Variants in TRPM3 observed in about 807,000 individuals in gnomAD.
TRPM3 encodes the protein transient receptor potential cation channel subfamily M member 3, also known as long transient receptor potential channel 3.
A neutral mutation model predicts 181.2 loss-of-function variants in TRPM3; 77 were observed. The ratio of observed to expected loss-of-function variants is 0.42; its 90% CI spans 0.35 to 0.51. The LOEUF (loss-of-function observed/expected upper bound fraction) is 0.51, where lower values mean the gene tolerates loss of function less well. Among genes scored for constraint, TRPM3 ranks in the 20% least tolerant of loss-of-function variants. The pLI is 0.01. For synonymous variants in TRPM3, 745 were observed against 796.4 expected, an observed-to-expected ratio of 0.94 and a Z score of 1.09; for missense variants, 1,759 against 2,196.7, an observed-to-expected ratio of 0.80 and a Z score of 3.98.
chr9:71,161,390 T>C (rs1398005496), intron 1 of TRPM3, among the ~76,000 whole-genome samples: 1 of 152,138 alleles, frequency 6.6e-6, no homozygotes, highest in Non-Finnish European at 1.5e-5. Flanking sequence ...GAACTTGCAG[T>C]CAACATTTGT....
intron 6 of TRPM3, chr9:70,825,639 A>G (rs1410339470): frequency 6.6e-6 from 1 of 152,374 alleles, no homozygotes; most frequent in Non-Finnish European, 1.5e-5. Context: ...CTGACCATCC[A>G]CCGTGCCCTG....
At chr9:71,340,970 G>A (rs1036569243) in intron 1 of TRPM3, among the ~76,000 whole-genome samples, 2 of 152,052 alleles carry the variant, frequency 1.3e-5, no homozygotes, top group Non-Finnish European at 2.9e-5. Context: ...ATCAGTTTTT[G>A]TCAAAACGGC....
intron 22 of TRPM3, among the ~76,000 whole-genome samples, chr9:70,582,049 A>G (rs1371552215): frequency 6.6e-6 from 1 of 151,558 alleles, no homozygotes; most frequent in African/African-American, 2.4e-5. Flanking sequence ...GACTTTTTCA[A>G]TAGATATTTC....
At chr9:71,030,298 C>T (rs1000524188) in intron 1 of TRPM3, among the ~76,000 whole-genome samples, 2 of 152,130 alleles carry the variant, frequency 1.3e-5, no homozygotes, top group African/African-American at 4.8e-5. Context: ...GGCACTGTGG[C>T]TCACACCTGA....
intron 1 of TRPM3, among the ~76,000 whole-genome samples, chr9:71,282,823 G>C (rs2084955344): frequency 6.6e-6 from 1 of 152,116 alleles, no homozygotes. Context: ...ATATCTTTAA[G>C]TCAATAAGAC....
At chr9:71,178,488 T>C (rs1164333564) in intron 1 of TRPM3, among the ~76,000 whole-genome samples, 1 of 152,184 alleles carries the variant, frequency 6.6e-6, no homozygotes, top group Non-Finnish European at 1.5e-5. Context: ...ATAAGATTCC[T>C]GTCAGGATTT....
chr9:70,790,512 G>A (rs965326612), intron 6 of TRPM3, among the ~76,000 whole-genome samples: 3 of 152,156 alleles, frequency 2.0e-5, no homozygotes, highest in African/African-American at 7.2e-5. Flanking sequence ...TTAAATGTCT[G>A]TGTAGAGAAT....
At chr9:71,311,018 T>A (rs940074368) in intron 1 of TRPM3, among the ~76,000 whole-genome samples, 6 of 152,172 alleles carry the variant, frequency 3.9e-5, no homozygotes, top group African/African-American at 1.4e-4. Context: ...AAAATTATTA[T>A]AAGGATTATT....
At chr9:70,910,486 A>C (rs1444760432) in intron 1 of TRPM3, among the ~76,000 whole-genome samples, 1 of 152,166 alleles carries the variant, frequency 6.6e-6, no homozygotes, top group Non-Finnish European at 1.5e-5. Context: ...ACTTTGTGTT[A>C]ATGTATTCTG....
chr9:70,737,845 C>T (rs199799166), intron 8 of TRPM3, among the ~76,000 whole-genome samples: 1 of 152,082 alleles, frequency 6.6e-6, no homozygotes, highest in East Asian at 1.9e-4. Context: ...ATATATGCAC[C>T]TACCATTGGA....
At chr9:70,640,489 C>T (rs1371767884) in intron 10 of TRPM3, 71 bp downstream of exon 10, 6 of 1,234,914 alleles carry the variant, frequency 4.9e-6, no homozygotes, top group Non-Finnish European at 7.0e-6. Context: ...GAGCTGACCT[C>T]AGAGGCTCCT....
chr9:70,869,712 A>T lies in TRPM3; in HGVS notation c.178-5201T>A, dbSNP rs569327073. On this transcript the variant is annotated intron_variant, in intron 1 of 25. Transcript: ENST00000677713. ...CCTGCTGCCCCTCTAGCAATTGCAA[A>T]TGTATGATTAGAAACCTACAGTCCT... is the stretch of plus-strand genomic sequence containing the variant. Among the ~76,000 whole-genome samples the T allele has an allele frequency of 5.9e-5, 9 of 152,102 alleles. No individual in the cohort carries two copies. In the South Asian group the frequency reaches 1.7e-3, roughly 28 times the overall value.
intron 9 of TRPM3, among the ~76,000 whole-genome samples, chr9:70,647,764 C>T (rs1227459010): frequency 3.3e-5 from 5 of 152,206 alleles, no homozygotes; most frequent in African/African-American, 1.2e-4. Context: ...TCTTTGTTCA[C>T]AGACAATATG....
chr9:71,436,049 G>A (rs752734504), intron 1 of TRPM3, among the ~76,000 whole-genome samples: 9 of 152,124 alleles, frequency 5.9e-5, no homozygotes, highest in African/African-American at 9.7e-5. Context: ...GGGATCCAGC[G>A]GGAGATAATT....
intron 1 of TRPM3, among the ~76,000 whole-genome samples, chr9:71,426,738 C>T (rs1252519099): frequency 3.3e-5 from 5 of 151,980 alleles, no homozygotes; most frequent in Admixed American, 6.6e-5. Context: ...CCTATTAGCT[C>T]GGCATCTCAG....
At chr9:71,048,872 A>G (rs1214924628) in intron 1 of TRPM3, among the ~76,000 whole-genome samples, 1 of 152,192 alleles carries the variant, frequency 6.6e-6, no homozygotes, top group Non-Finnish European at 1.5e-5. Flanking sequence ...AAACAACTCA[A>G]GGTACTAGAA....
At chr9:70,596,845 T>G (rs1407156940) in intron 21 of TRPM3, among the ~76,000 whole-genome samples, 1 of 152,144 alleles carries the variant, frequency 6.6e-6, no homozygotes, top group Non-Finnish European at 1.5e-5. Context: ...CTCACCGCAG[T>G]CTTGAACTCT....
chr9:70,541,260 C>G (rs1268383549), intron 25 of TRPM3, among the ~76,000 whole-genome samples: 1 of 152,152 alleles, frequency 6.6e-6, no homozygotes, highest in East Asian at 1.9e-4. Flanking sequence ...CTATTCTTGT[C>G]AAACCTTAAC....
intron 1 of TRPM3, among the ~76,000 whole-genome samples, chr9:70,873,504 C>T (rs2095824385): frequency 6.6e-6 from 1 of 152,004 alleles, no homozygotes; most frequent in Admixed American, 6.6e-5. Context: ...TCCAGCAAAC[C>T]AAATTATTGA....
Sources: gnomAD v4.1 joint callset for allele counts (sites outside exome capture counted in the v4.1 genomes callset) on GRCh38, gnomAD v4.1.1 for gene constraint, MANE v1.5 for transcripts, NCBI Gene and HGNC (gene_info 2026-07-23, HGNC 2026-07-21) for gene names.